NRG1: variants seen among roughly 807,000 people sequenced by gnomAD.
NRG1 encodes neuregulin 1.
A neutral mutation model predicts 63.8 loss-of-function variants in NRG1; 18 were observed. The observed-to-expected ratio is 0.28, with a 90% CI of 0.19 to 0.42. The LOEUF is 0.42. Among genes scored for constraint, NRG1 ranks in the 10% least tolerant of loss-of-function variants. The pLI, the probability that NRG1 is intolerant of heterozygous loss-of-function variation, is 1.00. For synonymous variants in NRG1, 302 were observed against 301.3 expected, an observed-to-expected ratio of 1.00 and a Z score of -0.02; for missense variants, 762 against 814.7, an observed-to-expected ratio of 0.94 and a Z score of 0.79.
chr8:32,187,001 A>G (rs755980579), intron 1 of NRG1, among the ~76,000 whole-genome samples: 1 of 152,134 alleles, frequency 6.6e-6, no homozygotes, highest in Non-Finnish European at 1.5e-5. Context: ...TCCCTTTATC[A>G]TAGGTTGGCC....
intron 1 of NRG1, among the ~76,000 whole-genome samples, chr8:32,120,212 A>G (rs1833258178): frequency 1.3e-5 from 2 of 152,124 alleles, no homozygotes; most frequent in South Asian, 2.1e-4. Flanking sequence ...ATTTCAAAAG[A>G]AATATGTCTT....
At chr8:31,761,218 C>T (rs1817516910) in intron 1 of NRG1, among the ~76,000 whole-genome samples, 3 of 152,050 alleles carry the variant, frequency 2.0e-5, no homozygotes, top group African/African-American at 7.2e-5. Context: ...AACCAAACAC[C>T]TCTTGTTCTC....
At chr8:32,400,057 C>G (rs1812966320) in intron 1 of NRG1, among the ~76,000 whole-genome samples, 1 of 152,174 alleles carries the variant, frequency 6.6e-6, no homozygotes, top group African/African-American at 2.4e-5. Context: ...GGTACCAATA[C>G]CAGTTTCTTG....
At chr8:31,967,986 G>A (rs1806645560) in intron 1 of NRG1, among the ~76,000 whole-genome samples, 1 of 152,140 alleles carries the variant, frequency 6.6e-6, no homozygotes, top group South Asian at 2.1e-4. Context: ...AATTTTAGTT[G>A]TTTCAAGTGC....
intron 1 of NRG1, among the ~76,000 whole-genome samples, chr8:32,242,824 TA>T (rs1413043629): frequency 4.6e-5 from 7 of 152,210 alleles, no homozygotes; most frequent in Admixed American, 1.3e-4. Context: ...ATAAGGAAAC[TA>T]AAACTTAAAG....
intron 1 of NRG1, among the ~76,000 whole-genome samples, chr8:31,791,123 C>A (rs551750908): frequency 1.5e-4 from 22 of 151,418 alleles, no homozygotes; most frequent in African/African-American, 5.3e-4. Flanking sequence ...GCGCAAGAAT[C>A]CATTGAGCCT....
chr8:31,981,534 T>C (rs945094313), intron 1 of NRG1, among the ~76,000 whole-genome samples: 13 of 152,092 alleles, frequency 8.5e-5, no homozygotes, highest in Non-Finnish European at 1.6e-4. Flanking sequence ...AAAATCAACC[T>C]TGCCTATCTG....
intron 1 of NRG1, among the ~76,000 whole-genome samples, chr8:31,857,918 G>A (rs1828078191): frequency 3.9e-5 from 6 of 152,186 alleles, no homozygotes; most frequent in Admixed American, 3.9e-4. Context: ...AAGGAGATGA[G>A]AGCCTTGAAG....
chr8:31,690,813 G>A (rs961669305), intron 1 of NRG1, among the ~76,000 whole-genome samples: 4 of 152,176 alleles, frequency 2.6e-5, no homozygotes, highest in Non-Finnish European at 5.9e-5. Flanking sequence ...AGCAGGTTTG[G>A]TAGAGAAGAT....
intron 1 of NRG1, among the ~76,000 whole-genome samples, chr8:31,946,724 G>A (rs959688897): frequency 1.3e-5 from 2 of 152,184 alleles, no homozygotes; most frequent in Admixed American, 6.5e-5. Context: ...GATACTGCCT[G>A]TGCCTGAGAA....
At chr8:32,456,761 C>T (rs570997430) in intron 1 of NRG1, among the ~76,000 whole-genome samples, 2 of 152,242 alleles carry the variant, frequency 1.3e-5, no homozygotes, top group East Asian at 1.9e-4. Flanking sequence ...CAGATTTTCA[C>T]GGGTGGTTGG....
intron 1 of NRG1, among the ~76,000 whole-genome samples, chr8:32,422,070 A>G (rs1816762300): frequency 6.6e-6 from 1 of 151,962 alleles, no homozygotes; most frequent in Admixed American, 6.6e-5. Flanking sequence ...TTTCACTAAA[A>G]CCCCAGACCT....
At chr8:32,093,172 C>T (rs1829427961) in intron 1 of NRG1, among the ~76,000 whole-genome samples, 1 of 152,148 alleles carries the variant, frequency 6.6e-6, no homozygotes, top group Non-Finnish European at 1.5e-5. Flanking sequence ...TAATCTGTAA[C>T]CCTAGCCCCA....
Position 32,629,867 on chromosome 8 carries a change from C to T in NRG1, c.502+12982C>T, listed in dbSNP as rs138616475. Among the ~76,000 whole-genome samples, 47 of 151,920 alleles carry T rather than the reference C, an allele frequency of 3.1e-4. No individual in the cohort carries two copies. The East Asian group carries it at 5.6e-3, about 18-fold the overall frequency. On this transcript the variant is annotated intron_variant, in intron 5 of 11. Transcript: ENST00000356819. The stretch of plus-strand genomic sequence containing the variant: ...ACTTGCTTGGGAACAAGAGAAGTGC[C>T]GCAACAGTGTCAATAACATGGATTT...
chr8:32,394,855 T>A (rs919607261), intron 1 of NRG1, among the ~76,000 whole-genome samples: 1 of 152,156 alleles, frequency 6.6e-6, no homozygotes, highest in African/African-American at 2.4e-5. Context: ...ATTAAGAAGA[T>A]CGCTTTTTCA....
chr8:32,332,253 A>G (rs898756333), intron 1 of NRG1, among the ~76,000 whole-genome samples: 1 of 152,198 alleles, frequency 6.6e-6, no homozygotes, highest in Non-Finnish European at 1.5e-5. Flanking sequence ...TAAAGGAAAA[A>G]CACAAACACA....
At chr8:32,555,382 C>T (rs150961332) in intron 1 of NRG1, among the ~76,000 whole-genome samples, 231 of 152,324 alleles carry the variant, frequency 1.5e-3, no homozygotes, top group African/African-American at 5.3e-3. Context: ...AACCCAGGGG[C>T]AACAAATGTT....
intron 1 of NRG1, among the ~76,000 whole-genome samples, chr8:32,057,808 G>T (rs141056483): frequency 6.6e-6 from 1 of 152,076 alleles, no homozygotes; most frequent in African/African-American, 2.4e-5. Flanking sequence ...ATATCTTTAT[G>T]GTTCCTGACC....
At chr8:32,125,017 G>A (rs1439162044) in intron 1 of NRG1, among the ~76,000 whole-genome samples, 1 of 151,898 alleles carries the variant, frequency 6.6e-6, no homozygotes, top group Non-Finnish European at 1.5e-5. Flanking sequence ...CAGCCTTCAT[G>A]AGTGGATTAG....
Sources: allele counts gnomAD v4.1 joint callset (sites outside exome capture counted in the v4.1 genomes callset), GRCh38; gene constraint gnomAD v4.1.1; transcripts MANE v1.5; gene names NCBI Gene and HGNC (gene_info 2026-07-23, HGNC 2026-07-21).